ARFGAP3: variants seen among roughly 807,000 people sequenced by gnomAD.
ARFGAP3 encodes ARF GTPase activating protein 3, also known as ADP-ribosylation factor GTPase-activating protein 3.
ARFGAP3 carries 72 observed loss-of-function variants against 75.0 expected under a neutral mutation model. The observed-to-expected ratio is 0.96, with a 90% CI of 0.79 to 1.17. ARFGAP3 has a LOEUF of 1.17. Ranked by LOEUF, ARFGAP3 falls within the 50% of genes most tolerant of loss-of-function variation. ARFGAP3 has a pLI of 0.00. For synonymous variants in ARFGAP3, 221 were observed against 217.9 expected (o/e 1.01, Z -0.13); for missense variants, 620 against 626.6 (o/e 0.99, Z 0.11).
intron 14 of ARFGAP3, among the ~76,000 whole-genome samples, chr22:42,800,098 G>T (rs141702067): frequency 1.3e-5 from 2 of 152,272 alleles, no homozygotes; most frequent in East Asian, 3.9e-4. Context: ...TGACAATCAG[G>T]GGTTCATAAA....
intron 2 of ARFGAP3, 181 bp downstream of exon 2, chr22:42,847,333 T>G: frequency 1.8e-6 from 1 of 547,882 alleles, no homozygotes; most frequent in Non-Finnish European, 3.2e-6. Context: ...CACCACAACA[T>G]TTTTTATTTT....
At chr22:42,816,079 A>C (rs1278932808) in intron 11 of ARFGAP3, among the ~76,000 whole-genome samples, 1 of 152,084 alleles carries the variant, frequency 6.6e-6, no homozygotes, top group Admixed American at 6.6e-5. Context: ...ATGCTACTGT[A>C]CTCCAGCCTG....
intron 3 of ARFGAP3, among the ~76,000 whole-genome samples, chr22:42,836,787 C>T (rs1480033475): frequency 6.6e-6 from 1 of 152,102 alleles, no homozygotes; most frequent in East Asian, 1.9e-4. Context: ...CTCATTCAAC[C>T]CTCATAGCAA....
intron 1 of ARFGAP3, among the ~76,000 whole-genome samples, chr22:42,848,197 T>C (rs1472042424): frequency 1.3e-5 from 2 of 151,768 alleles, no homozygotes; most frequent in African/African-American, 4.8e-5. Flanking sequence ...TTACAGATTA[T>C]GTTATATATA....
chr22:42,797,653 C>T (rs780673217), intron 15 of ARFGAP3, 48 bp from the exon 16 acceptor site: 36 of 1,613,782 alleles, frequency 2.2e-5, no homozygotes, highest in Non-Finnish European at 3.0e-5. Context: ...AGCAGCGATC[C>T]CTGACTCCCA....
intron 9 of ARFGAP3, among the ~76,000 whole-genome samples, chr22:42,819,664 A>T (rs1272317813): frequency 6.6e-6 from 1 of 152,188 alleles, no homozygotes; most frequent in Non-Finnish European, 1.5e-5. Context: ...ACGGGCTGGG[A>T]AACTGCTAGA....
At chr22:42,799,387 A>C (rs1924755786) in intron 14 of ARFGAP3, 1 of 265,560 alleles carries the variant, frequency 3.8e-6, no homozygotes, top group South Asian at 1.4e-4. Flanking sequence ...ACTTAACACC[A>C]CTATGAGTTC....
chr22:42,809,464 A>G (rs1925266236), intron 12 of ARFGAP3, among the ~76,000 whole-genome samples: 1 of 152,080 alleles, frequency 6.6e-6, no homozygotes, highest in Non-Finnish European at 1.5e-5. Context: ...AGGAAGGCCA[A>G]TTGCTACATG....
intron 1 of ARFGAP3, among the ~76,000 whole-genome samples, chr22:42,848,929 T>C (rs1927146275): frequency 1.3e-5 from 2 of 152,180 alleles, no homozygotes; most frequent in African/African-American, 2.4e-5. Context: ...CCTTTTCCTG[T>C]CTCCCCCACT....
intron 3 of ARFGAP3, among the ~76,000 whole-genome samples, chr22:42,837,298 C>CA (rs1010672729): frequency 6.6e-6 from 1 of 151,692 alleles, no homozygotes; most frequent in Non-Finnish European, 1.5e-5. Flanking sequence ...CACGCCTCTA[C>CA]AAAAAAACAG....
chr22:42,841,422 T>C lies in ARFGAP3; in HGVS notation c.189-406A>G, dbSNP rs564934987. On this transcript the variant is annotated intron_variant, in intron 2 of 15. Coordinates refer to ENST00000263245, the MANE Select transcript of ARFGAP3 (RefSeq NM_014570.5). ...CTACCAGAAGCTTGGAGGATGCTCA[T>C]TCTCTTATCACAAGGTAGAAGAGAC... Among the ~76,000 whole-genome samples the C allele has an allele frequency of 1.2e-3, 189 of 152,274 alleles. 1 individual carries two copies. The highest frequency in any genetic ancestry group is 4.4e-3 in the African/African-American group (181 of 41,540).
chr22:42,826,868 T>C (rs1370306333), intron 7 of ARFGAP3, 72 bp downstream of exon 7: 8 of 1,396,392 alleles, frequency 5.7e-6, no homozygotes, highest in Non-Finnish European at 7.9e-6. Flanking sequence ...CCAGGCCAAA[T>C]GCAAGAGGAT....
At chr22:42,822,105 C>T (rs1381920869) in intron 9 of ARFGAP3, among the ~76,000 whole-genome samples, 165 bp downstream of exon 9, 5 of 152,188 alleles carry the variant, frequency 3.3e-5, no homozygotes, top group Non-Finnish European at 2.9e-5. Context: ...TCGTCTCTTT[C>T]CCTTCCAATC....
intron 14 of ARFGAP3, among the ~76,000 whole-genome samples, chr22:42,801,161 G>A (rs1339797167): frequency 6.6e-6 from 1 of 152,176 alleles, no homozygotes; most frequent in African/African-American, 2.4e-5. Context: ...GGGATCAGGA[G>A]GGAACGGGCT....
chr22:42,844,608 T>C (rs200266494), intron 2 of ARFGAP3, among the ~76,000 whole-genome samples: 2 of 135,380 alleles, frequency 1.5e-5, no homozygotes, highest in African/African-American at 5.5e-5. Context: ...AAAAAAAAAA[T>C]AAAAAACCCA....
At chr22:42,809,558 A>AG (rs1163603809) in intron 12 of ARFGAP3, among the ~76,000 whole-genome samples, 1 of 143,942 alleles carries the variant, frequency 6.9e-6, no homozygotes, top group African/African-American at 2.6e-5. Flanking sequence ...GGGGCAGGGG[A>AG]GGGGGGACTA....
chr22:42,828,216 T>A (rs1436075099), intron 6 of ARFGAP3, among the ~76,000 whole-genome samples: 1 of 150,030 alleles, frequency 6.7e-6, no homozygotes, highest in African/African-American at 2.5e-5. Context: ...AGGTCAAGAG[T>A]TCAAGATCAG....
intron 6 of ARFGAP3, among the ~76,000 whole-genome samples, chr22:42,828,631 G>A (rs554206510): frequency 6.6e-6 from 1 of 151,156 alleles, no homozygotes; most frequent in East Asian, 1.9e-4. Flanking sequence ...CCGGACTTCA[G>A]AGGTTACACA....
At chr22:42,854,932 C>T (rs541870386) in intron 1 of ARFGAP3, among the ~76,000 whole-genome samples, 40 of 149,346 alleles carry the variant, frequency 2.7e-4, no homozygotes, top group Admixed American at 2.2e-3. Flanking sequence ...TTGCTCATTG[C>T]TTTTATTAAT....
Sources: gnomAD v4.1 joint callset for allele counts (sites outside exome capture counted in the v4.1 genomes callset) on GRCh38, gnomAD v4.1.1 for gene constraint, MANE v1.5 for transcripts, NCBI Gene and HGNC (gene_info 2026-07-23, HGNC 2026-07-21) for gene names.